The following RNGTT variants were observed in gnomAD, a reference collection of about 807,000 sequenced individuals.
RNGTT encodes mRNA-capping enzyme.
In RNGTT, 33 loss-of-function variants were observed where a neutral mutation model predicts 79.3. The ratio of observed to expected loss-of-function variants is 0.42; its 90% CI spans 0.32 to 0.56. The LOEUF is 0.56. RNGTT is among the 20% of genes least tolerant of loss of function. The pLI, the probability that RNGTT is intolerant of heterozygous loss-of-function variation, is 0.17. For missense variants in RNGTT, 497 were observed against 739.1 expected (o/e 0.67, Z 3.80); for synonymous variants, 222 against 235.9 (o/e 0.94, Z 0.54).
chr6:88,857,682 GA>G, intron 8 of RNGTT, among the ~76,000 whole-genome samples: 1 of 152,052 alleles, frequency 6.6e-6, no homozygotes, highest in South Asian at 2.1e-4. Flanking sequence ...TATTTAGTGG[GA>G]AAAAAGCAAG....
chr6:88,938,205 G>A (rs1013065193), intron 2 of RNGTT, among the ~76,000 whole-genome samples: 1 of 152,114 alleles, frequency 6.6e-6, no homozygotes, highest in African/African-American at 2.4e-5. Context: ...ATATATCTGG[G>A]TACTCTGATG....
Position 88,929,755 on chromosome 6 carries a change from T to A in RNGTT, c.175-488A>T, listed in dbSNP as rs562565113. Reference sequence around the variant, plus strand: ...TATCTATTGACTACACCATTTTATATCCCAGGCTTAAAAGATGAGACAATC... The same window carrying A: ...TATCTATTGACTACACCATTTTATAACCCAGGCTTAAAAGATGAGACAATC... On this transcript the variant is annotated intron_variant, in intron 2 of 15. Coordinates refer to ENST00000369485, the MANE Select transcript of RNGTT (RefSeq NM_003800.5). Among the ~76,000 whole-genome samples, 3 of 151,984 alleles carry A rather than the reference T, an allele frequency of 2.0e-5. No individual in the cohort carries two copies. In the South Asian group the frequency reaches 6.2e-4, roughly 32 times the overall value.
intron 12 of RNGTT, among the ~76,000 whole-genome samples, chr6:88,785,023 A>T (rs1391824326): frequency 6.6e-6 from 1 of 152,102 alleles, no homozygotes; most frequent in East Asian, 1.9e-4. Flanking sequence ...GAACCACGTG[A>T]TTGTATTATC....
intron 4 of RNGTT, among the ~76,000 whole-genome samples, chr6:88,919,545 C>G (rs62429033): frequency 0.095 from 14,400 of 151,986 alleles, 868 homozygotes; most frequent in Middle Eastern, 0.2. Context: ...CAAGGCTGGT[C>G]TTGAACTCCT....
chr6:88,628,177 C>T (rs1297755609), intron 14 of RNGTT, among the ~76,000 whole-genome samples: 1 of 152,096 alleles, frequency 6.6e-6, no homozygotes, highest in Non-Finnish European at 1.5e-5. Flanking sequence ...TTTTCCTCAT[C>T]AGCTCCAGGT....
chr6:88,614,897 T>G (rs1772162522), intron 14 of RNGTT, among the ~76,000 whole-genome samples: 1 of 152,206 alleles, frequency 6.6e-6, no homozygotes, highest in Admixed American at 6.5e-5. Context: ...TCCTAAATAT[T>G]TTGCTTTCCA....
Position 88,725,542 on chromosome 6 carries a change from G to A in RNGTT, c.1439+44232C>T, listed in dbSNP as rs186009366. ...AGTATTCCTCAGTTGGGATGTCTTG[G>A]AGGTTAAAAAGAGGTGAGAGATCTC... On this transcript the variant is annotated intron_variant, in intron 13 of 15. Coordinates refer to ENST00000369485, the MANE Select transcript of RNGTT (RefSeq NM_003800.5). Among the ~76,000 whole-genome samples the A allele has an allele frequency of 1.8e-3, 275 of 152,312 alleles. 2 individuals carry two copies. The highest frequency in any genetic ancestry group is 6.5e-3 in the African/African-American group (269 of 41,576).
intron 13 of RNGTT, among the ~76,000 whole-genome samples, chr6:88,759,649 T>C (rs1309024618): frequency 6.6e-6 from 1 of 152,206 alleles, no homozygotes; most frequent in Admixed American, 6.5e-5. Flanking sequence ...TGTATCTTTC[T>C]CCTTCCTCAC....
rs558136411 is a variant in RNGTT, at chr6:88,658,043, A to G, written c.1506+20310T>C. Among the ~76,000 whole-genome samples the G allele has an allele frequency of 5.9e-5, 9 of 152,240 alleles. No homozygotes were observed. In the East Asian group the frequency reaches 1.7e-3, roughly 29 times the overall value. ...GACCCCGCGATCACCTGAGAAACCC[A>G]AGTACTTATCCTGGCCAATGTAGGG... is the stretch of plus-strand genomic sequence containing the variant. On this transcript the variant is annotated intron_variant, in intron 14 of 15. Transcript: ENST00000369485.
intron 11 of RNGTT, among the ~76,000 whole-genome samples, chr6:88,806,939 A>T (rs1041178619): frequency 6.6e-6 from 1 of 152,232 alleles, no homozygotes; most frequent in South Asian, 2.1e-4. Flanking sequence ...CGTATCCTTC[A>T]GGGACATGGA....
intron 13 of RNGTT, among the ~76,000 whole-genome samples, chr6:88,724,009 G>C (rs1004610377): frequency 1.3e-5 from 2 of 152,144 alleles, no homozygotes; most frequent in African/African-American, 4.8e-5. Flanking sequence ...ACAGGCGTGA[G>C]CCACCGCGCT....
intron 12 of RNGTT, among the ~76,000 whole-genome samples, chr6:88,772,743 AG>A (rs1778732457): frequency 6.6e-6 from 1 of 152,040 alleles, no homozygotes; most frequent in African/African-American, 2.4e-5. Flanking sequence ...TGGCCATCAG[AG>A]AAATGCAAAT....
intron 12 of RNGTT, among the ~76,000 whole-genome samples, chr6:88,797,572 A>G (rs1008217543): frequency 1.3e-5 from 2 of 152,148 alleles, no homozygotes; most frequent in Non-Finnish European, 2.9e-5. Context: ...ATTTGACTGC[A>G]TTGATAAAAA....
At chr6:88,676,358 G>A (rs61088402) in intron 14 of RNGTT, among the ~76,000 whole-genome samples, 3,764 of 151,330 alleles carry the variant, frequency 0.025, 140 homozygotes, top group African/African-American at 0.087. Context: ...ATATGTTTGA[G>A]AGTAACATTC....
chr6:88,935,193 C>T (rs888673476), intron 2 of RNGTT, among the ~76,000 whole-genome samples: 1 of 151,952 alleles, frequency 6.6e-6, no homozygotes, highest in Non-Finnish European at 1.5e-5. Context: ...GTGTCCTGTC[C>T]CCAATGTATG....
intron 11 of RNGTT, among the ~76,000 whole-genome samples, chr6:88,825,560 A>G (rs934257491): frequency 6.6e-6 from 1 of 152,214 alleles, no homozygotes; most frequent in Non-Finnish European, 1.5e-5. Context: ...CCTATTTTCC[A>G]AATCAGTGTG....
chr6:88,934,822 C>A (rs1192159764), intron 2 of RNGTT, among the ~76,000 whole-genome samples: 1 of 151,958 alleles, frequency 6.6e-6, no homozygotes, highest in African/African-American at 2.4e-5. Context: ...CTCTGTTGCA[C>A]AGGCTGTTCT....
At chr6:88,712,314 T>C (rs1776346614) in intron 13 of RNGTT, among the ~76,000 whole-genome samples, 1 of 152,200 alleles carries the variant, frequency 6.6e-6, no homozygotes, top group Non-Finnish European at 1.5e-5. Context: ...ATAGGTTGTG[T>C]TGTTTTTTAA....
At chr6:88,723,415 T>C (rs9344846) in intron 13 of RNGTT, among the ~76,000 whole-genome samples, 17,999 of 152,158 alleles carry the variant, frequency 0.12, 1,180 homozygotes, top group Middle Eastern at 0.23. Context: ...AAAACTTCTC[T>C]ACAGCCCCTG....
Sources: allele counts gnomAD v4.1 joint callset (sites outside exome capture counted in the v4.1 genomes callset), GRCh38; gene constraint gnomAD v4.1.1; transcripts MANE v1.5; gene names NCBI Gene and HGNC (gene_info 2026-07-23, HGNC 2026-07-21).